FHIT: variants seen among roughly 807,000 people sequenced by gnomAD.
FHIT encodes fragile histidine triad diadenosine triphosphatase, also known as bis(5'-adenosyl)-triphosphatase.
A neutral mutation model predicts 17.9 loss-of-function variants in FHIT; 19 were observed. That is an observed-to-expected ratio of 1.06 (90% CI 0.74 to 1.56). FHIT has a LOEUF of 1.56. Among genes scored for constraint, FHIT ranks in the 40% most tolerant of loss-of-function variants. The pLI is 0.00. For synonymous variants in FHIT, 81 were observed against 69.7 expected (o/e 1.16, Z -0.81); for missense variants, 248 against 189.2 (o/e 1.31, Z -1.82).
At chr3:60,725,588 A>T (rs1353342667) in intron 4 of FHIT, among the ~76,000 whole-genome samples, 2 of 152,220 alleles carry the variant, frequency 1.3e-5, no homozygotes, top group African/African-American at 2.4e-5. Flanking sequence ...TTAAGGTAAC[A>T]GGTACCAAAA....
chr3:61,174,548 T>C (rs1458834251), intron 2 of FHIT, among the ~76,000 whole-genome samples: 1 of 152,250 alleles, frequency 6.6e-6, no homozygotes, highest in Non-Finnish European at 1.5e-5. Flanking sequence ...TGATTCCATC[T>C]TTATGGCCCA....
chr3:60,357,331 G>C (rs145799207), intron 5 of FHIT, among the ~76,000 whole-genome samples: 3 of 151,964 alleles, frequency 2.0e-5, no homozygotes, highest in African/African-American at 4.8e-5. Context: ...CTCCTGCCTC[G>C]GCCTCTTGAG....
chr3:60,886,281 C>G (rs1705218726), intron 3 of FHIT, among the ~76,000 whole-genome samples: 1 of 152,286 alleles, frequency 6.6e-6, no homozygotes, highest in Middle Eastern at 3.4e-3. Context: ...GCTTGCCATC[C>G]AAATTACAAG....
intron 4 of FHIT, among the ~76,000 whole-genome samples, chr3:60,629,708 C>T (rs1026140067): frequency 2.0e-5 from 3 of 151,958 alleles, no homozygotes; most frequent in South Asian, 2.1e-4. Flanking sequence ...AGAATAATGC[C>T]CTTCCTGTTT....
intron 3 of FHIT, among the ~76,000 whole-genome samples, chr3:60,933,926 C>T (rs1403701522): frequency 2.6e-5 from 4 of 152,142 alleles, no homozygotes; most frequent in Admixed American, 1.3e-4. Flanking sequence ...TGGTGTGACC[C>T]GGAATCTATC....
chr3:61,219,156 C>T (rs1413401888), intron 1 of FHIT, among the ~76,000 whole-genome samples: 1 of 152,086 alleles, frequency 6.6e-6, no homozygotes, highest in African/African-American at 2.4e-5. Flanking sequence ...AACATCTAAA[C>T]ATATAAAAGG....
chr3:59,957,966 T>C (rs1288693454), intron 7 of FHIT, among the ~76,000 whole-genome samples: 1 of 152,220 alleles, frequency 6.6e-6, no homozygotes, highest in Non-Finnish European at 1.5e-5. Context: ...AATCAACATG[T>C]CCTTGAACAC....
intron 8 of FHIT, among the ~76,000 whole-genome samples, chr3:59,762,392 A>AT (rs1219804822): frequency 3.9e-5 from 6 of 152,154 alleles, no homozygotes; most frequent in Admixed American, 2.6e-4. Context: ...TCCTCCCAAT[A>AT]TACTGGCTAT....
At chr3:60,466,632 A>G (rs1242773839) in intron 5 of FHIT, among the ~76,000 whole-genome samples, 4 of 152,036 alleles carry the variant, frequency 2.6e-5, no homozygotes, top group African/African-American at 4.8e-5. Context: ...TGAAATAATC[A>G]TATCGTTTTT....
At chr3:60,525,840 C>T (rs1576813472) in intron 5 of FHIT, among the ~76,000 whole-genome samples, 1 of 152,210 alleles carries the variant, frequency 6.6e-6, no homozygotes, top group African/African-American at 2.4e-5. Flanking sequence ...GGTGTGGTGG[C>T]ACATGCCTGT....
intron 3 of FHIT, among the ~76,000 whole-genome samples, chr3:60,883,971 G>T (rs961371433): frequency 9.9e-5 from 15 of 152,114 alleles, no homozygotes; most frequent in Admixed American, 1.3e-4. Flanking sequence ...CATTTGACAA[G>T]GGATTAATAA....
intron 3 of FHIT, among the ~76,000 whole-genome samples, chr3:60,920,566 G>C (rs1169669927): frequency 6.6e-6 from 1 of 151,932 alleles, no homozygotes; most frequent in African/African-American, 2.4e-5. Flanking sequence ...AAACATAAAA[G>C]GAGTTAACTA....
intron 5 of FHIT, among the ~76,000 whole-genome samples, chr3:60,204,459 T>TTTG (rs1703070988): frequency 9.1e-6 from 1 of 110,014 alleles, no homozygotes; most frequent in African/African-American, 3.7e-5. Context: ...TTTTTTTTTG[T>TTTG]TTTGTTTTTT....
At chr3:60,007,604 C>T (rs1332837015) in intron 7 of FHIT, among the ~76,000 whole-genome samples, 1 of 152,120 alleles carries the variant, frequency 6.6e-6, no homozygotes, top group Non-Finnish European at 1.5e-5. Context: ...TAACACAATA[C>T]AGATTAACGA....
intron 5 of FHIT, among the ~76,000 whole-genome samples, chr3:60,449,213 A>G (rs912880670): frequency 1.3e-5 from 2 of 152,176 alleles, no homozygotes; most frequent in African/African-American, 4.8e-5. Flanking sequence ...GTGAACAACT[A>G]CTAAGTAAGC....
At chr3:61,077,238 T>C (rs763224379) in intron 2 of FHIT, among the ~76,000 whole-genome samples, 2 of 152,090 alleles carry the variant, frequency 1.3e-5, no homozygotes, top group Non-Finnish European at 2.9e-5. Context: ...TGTCATTGAA[T>C]TGGACTTGGA....
intron 5 of FHIT, among the ~76,000 whole-genome samples, chr3:60,431,907 C>T (rs1003152921): frequency 3.9e-5 from 6 of 152,044 alleles, no homozygotes; most frequent in South Asian, 4.1e-4. Flanking sequence ...AGGAAACATG[C>T]AAATACACTA....
At chr3:60,864,084 TGAA>T (rs550572584) in intron 3 of FHIT, among the ~76,000 whole-genome samples, 40 of 152,184 alleles carry the variant, frequency 2.6e-4, no homozygotes, top group Admixed American at 9.2e-4. Context: ...AGAGAGCATG[TGAA>T]GAAGAATTGC....
intron 8 of FHIT, among the ~76,000 whole-genome samples, chr3:59,764,073 C>G (rs974349877): frequency 1.3e-5 from 2 of 152,166 alleles, no homozygotes; most frequent in African/African-American, 2.4e-5. Context: ...CCAGCACTGC[C>G]TCTGAACATG....
Sources: allele counts gnomAD v4.1 joint callset (sites outside exome capture counted in the v4.1 genomes callset), GRCh38; gene constraint gnomAD v4.1.1; transcripts MANE v1.5; gene names NCBI Gene and HGNC (gene_info 2026-07-23, HGNC 2026-07-21).